The following AVEN variants were observed in gnomAD, a reference collection of about 807,000 sequenced individuals.
AVEN encodes the protein apoptosis and caspase activation inhibitor, also known as cell death regulator Aven.
AVEN carries 41 observed loss-of-function variants against 38.1 expected under a neutral mutation model. The ratio of observed to expected loss-of-function variants is 1.08; its 90% CI spans 0.84 to 1.40. AVEN has a LOEUF of 1.40. Ranked by LOEUF, AVEN falls within the 40% of genes most tolerant of loss-of-function variation. The pLI is 0.00. For missense variants in AVEN, 605 were observed against 438.8 expected (o/e 1.38, Z -3.38); for synonymous variants, 206 against 171.8 (o/e 1.20, Z -1.56).
At chr15:33,886,796 G>A (rs747507661) in intron 2 of AVEN, among the ~76,000 whole-genome samples, 1 of 152,170 alleles carries the variant, frequency 6.6e-6, no homozygotes, top group African/African-American at 2.4e-5. Flanking sequence ...TAATACATTT[G>A]TCAACTAAAT....
downstream of AVEN, chr15:33,854,628 A>ATCT: frequency 8.4e-7 from 1 of 1,192,486 alleles, no homozygotes; most frequent in Non-Finnish European, 1.2e-6. Flanking sequence ...CACTTAGCAG[A>ATCT]TCTTGGGCCA....
At chr15:33,985,787 C>G (rs1277138862) in intron 2 of AVEN, among the ~76,000 whole-genome samples, 1 of 152,112 alleles carries the variant, frequency 6.6e-6, no homozygotes, top group African/African-American at 2.4e-5. Flanking sequence ...GCCATGTACG[C>G]AGTCACTTAA....
chr15:34,070,545 C>T (rs939414459), intron 2 of AVEN, among the ~76,000 whole-genome samples: 3 of 152,016 alleles, frequency 2.0e-5, no homozygotes, highest in African/African-American at 7.2e-5. Context: ...CAAACAGCCA[C>T]TCCTCTGGCC....
chr15:33,859,820 AAGCGTGTGAATTC>A, intron 11 of AVEN: 1 of 1,325,258 alleles, frequency 7.5e-7, no homozygotes. Context: ...GTTTATGAAG[AAGCGTGTGAATTC>A]ATTTACTTGT....
intron 1 of AVEN, among the ~76,000 whole-genome samples, chr15:34,019,845 A>G (rs138532337): frequency 6.6e-6 from 1 of 152,320 alleles, no homozygotes; most frequent in Non-Finnish European, 1.5e-5. Flanking sequence ...ACCTAACGAC[A>G]TGTTTCTCAG....
Position 34,030,028 on chromosome 15 carries a change from C to T in AVEN, c.267+8752G>A, listed in dbSNP as rs940583875. 7.2e-5 allele frequency among the ~76,000 whole-genome samples: 11 copies of T among 152,024 alleles called. 1 individual carries two copies. Among genetic ancestry groups the T allele is most frequent in the Admixed American group, 5.9e-4 (9 of 15,284 alleles). On this transcript the variant is annotated intron_variant, in intron 1 of 5. Transcript: ENST00000306730. ...CAGCACTTTGGGAGGCCGAGGCAGGCGGATCACTTGAGGTCAGGAGTTCGA... is the reference window on the plus strand; with the variant it reads ...CAGCACTTTGGGAGGCCGAGGCAGGTGGATCACTTGAGGTCAGGAGTTCGA...
At chr15:33,989,450 T>TA (rs568555472) in intron 2 of AVEN, among the ~76,000 whole-genome samples, 32,020 of 142,386 alleles carry the variant, frequency 0.22, 3,870 homozygotes, top group Middle Eastern at 0.4. Context: ...GTTTGGAGTT[T>TA]AAAAAAAAAA....
At chr15:33,972,070 T>C (rs574467548) in intron 2 of AVEN, 3 of 152,268 alleles carry the variant, frequency 2.0e-5, no homozygotes, top group South Asian at 4.1e-4. Flanking sequence ...TAGAGAAAGA[T>C]GCTTTTATTG....
chr15:33,903,632 T>C (rs1360018705), intron 2 of AVEN, among the ~76,000 whole-genome samples: 1 of 152,182 alleles, frequency 6.6e-6, no homozygotes, highest in African/African-American at 2.4e-5. Context: ...GAGATGTGTT[T>C]AGGAAAAATA....
chr15:33,879,359 A>G (rs912442310), intron 2 of AVEN, among the ~76,000 whole-genome samples: 3 of 137,466 alleles, frequency 2.2e-5, no homozygotes, highest in African/African-American at 8.2e-5. Flanking sequence ...CAATGAGAAC[A>G]CATGGACACA....
intron 2 of AVEN, among the ~76,000 whole-genome samples, chr15:33,893,354 C>G (rs1892070483): frequency 1.3e-5 from 2 of 152,170 alleles, no homozygotes; most frequent in African/African-American, 4.8e-5. Context: ...TTGGCTGTAT[C>G]TCCACAGAAA....
At chr15:33,879,814 A>T (rs1157908557) in intron 2 of AVEN, among the ~76,000 whole-genome samples, 1 of 152,202 alleles carries the variant, frequency 6.6e-6, no homozygotes, top group Non-Finnish European at 1.5e-5. Context: ...AATCAGATAC[A>T]GTAGCTACCT....
chr15:34,009,998 TATAAAC>T (rs1897568228), intron 1 of AVEN, among the ~76,000 whole-genome samples: 1 of 151,916 alleles, frequency 6.6e-6, no homozygotes, highest in African/African-American at 2.4e-5. Context: ...ATTATGAACA[TATAAAC>T]ATATGCTCCT....
At chr15:34,031,784 A>T (rs1274192410) in intron 1 of AVEN, among the ~76,000 whole-genome samples, 2 of 152,214 alleles carry the variant, frequency 1.3e-5, no homozygotes, top group Non-Finnish European at 2.9e-5. Context: ...AGATTATAAC[A>T]ACAGCATCCT....
downstream of AVEN, chr15:33,858,046 T>A: frequency 8.4e-7 from 1 of 1,194,386 alleles, no homozygotes; most frequent in Non-Finnish European, 1.2e-6. Context: ...ACAGCAGAGA[T>A]TAAAGTAGAA....
rs539593837 is a variant in AVEN, at chr15:33,996,746, G to A, written c.445+6286C>T. On this transcript the variant is annotated intron_variant, in intron 2 of 5. Coordinates refer to ENST00000306730, the MANE Select transcript of AVEN (RefSeq NM_020371.3). ...AAGGTAGATAAAACCACAAAGATGGGGAGAAACCAGAGCAGAAAAGCTGAA... is the reference window on the plus strand; with the variant it reads ...AAGGTAGATAAAACCACAAAGATGGAGAGAAACCAGAGCAGAAAAGCTGAA... Among the ~76,000 whole-genome samples, 11 of 152,172 alleles carry A rather than the reference G, an allele frequency of 7.2e-5. No individual in the cohort carries two copies. The South Asian group carries it at 2.3e-3, about 32-fold the overall frequency.
chr15:33,949,570 C>T lies in AVEN; in HGVS notation c.445+53462G>A, dbSNP rs2879442. On this transcript the variant is annotated intron_variant, in intron 2 of 5. Transcript: ENST00000306730. ...TAAGTGGATTAGTCGTTGCCTGAGG[C>T]TGGGTGTGGGAAGGGGAAGTGACTG... 5.8e-3 allele frequency among the ~76,000 whole-genome samples: 878 copies of T among 152,034 alleles called. 6 individuals are homozygous for T. The highest frequency in any genetic ancestry group is 0.02 in the African/African-American group (841 of 41,464).
chr15:33,904,690 A>AT (rs1787720786), intron 2 of AVEN, among the ~76,000 whole-genome samples: 2 of 108,290 alleles, frequency 1.8e-5, no homozygotes, highest in African/African-American at 6.8e-5. Flanking sequence ...TTTAAAAAAA[A>AT]AAAAATATAT....
intron 2 of AVEN, among the ~76,000 whole-genome samples, chr15:33,878,475 A>T: frequency 6.6e-6 from 1 of 152,210 alleles, no homozygotes; most frequent in Non-Finnish European, 1.5e-5. Context: ...CCAATATCTC[A>T]TTTCTCAGAT....
Sources: allele counts gnomAD v4.1 joint callset (sites outside exome capture counted in the v4.1 genomes callset), GRCh38; gene constraint gnomAD v4.1.1; transcripts MANE v1.5; gene names NCBI Gene and HGNC (gene_info 2026-07-23, HGNC 2026-07-21).